The following KMT2E variants were observed in gnomAD, a reference collection of about 807,000 sequenced individuals.
KMT2E encodes histone reader KMT2E.
In KMT2E, 30 loss-of-function variants were observed where a neutral mutation model predicts 184.6. That is an observed-to-expected ratio of 0.16 (90% CI 0.12 to 0.22). KMT2E has a LOEUF of 0.22. Ranked by LOEUF, KMT2E falls within the 10% of genes least tolerant of loss-of-function variation. The probability of loss-of-function intolerance (pLI) is 1.00; values close to 1 mark genes in which losing one functional copy is unlikely to be tolerated. For synonymous variants in KMT2E, 815 were observed against 776.5 expected (o/e 1.05, Z -0.82); for missense variants, 2,023 against 2,237.4 (o/e 0.90, Z 1.93).
At chr7:105,110,662 G>T (rs964720992) in intron 25 of KMT2E, 60 bp downstream of exon 25, 69 of 1,607,798 alleles carry the variant, frequency 4.3e-5, no homozygotes, top group Non-Finnish European at 5.4e-5. Context: ...AGACAAGAGA[G>T]CCTTTATAAA....
intron 5 of KMT2E, chr7:105,064,165 T>G (rs868551851): frequency 1.4e-4 from 5 of 34,998 alleles, no homozygotes; most frequent in African/African-American, 8.6e-4. Flanking sequence ...TTTTTCTTGG[T>G]TTTTTTTTTT....
intron 14 of KMT2E, 57 bp from the exon 15 acceptor site, chr7:105,091,159 C>G: frequency 1.3e-6 from 1 of 757,008 alleles, no homozygotes; most frequent in East Asian, 2.5e-5. Flanking sequence ...AGTTTAATGT[C>G]ACTAGTTGTA....
intron 3 of KMT2E, among the ~76,000 whole-genome samples, chr7:105,057,725 C>T (rs80094784): frequency 0.01 from 1,591 of 152,148 alleles, 19 homozygotes; most frequent in African/African-American, 0.036. Context: ...GTGCTGTGAT[C>T]GTAAGCGTGA....
chr7:105,112,497 G>T lies in KMT2E; in HGVS notation c.4741G>T (p.Val1581Leu), dbSNP rs1336930752. 2 of 1,613,884 alleles carry T rather than the reference G, an allele frequency of 1.2e-6. No individual in the cohort carries two copies. Among genetic ancestry groups the T allele is most frequent in the Non-Finnish European group, 1.7e-6 (2 of 1,180,024 alleles). ...CAAAGGTAGTCTTTCTCAACAAACT[G>T]TGTTTACATCAGGACCAAATCAAGC... ...QLKGSLSQQT[V>L]FTSGPNQALP... Residue 1581 changes from valine (V) to leucine (L), a missense_variant, in exon 27 of 27, where the codon GTG (valine) becomes TTG (leucine). Physicochemically the swap from Val to Leu is conservative, Grantham distance 32 (BLOSUM62 1). Transcript: ENST00000311117.
chr7:105,029,544 A>T (rs1795316515), intron 1 of KMT2E, among the ~76,000 whole-genome samples: 1 of 152,214 alleles, frequency 6.6e-6, no homozygotes, highest in Non-Finnish European at 1.5e-5. Context: ...TTGTTGGATT[A>T]TTCAGGTGAT....
At chr7:105,015,300 C>CA (rs1005550385) in intron 1 of KMT2E, among the ~76,000 whole-genome samples, 3 of 152,172 alleles carry the variant, frequency 2.0e-5, no homozygotes, top group Admixed American at 1.3e-4. Flanking sequence ...ACAAACGGTT[C>CA]ACTGTGCTAA....
chr7:105,045,278 A>G (rs1176606142), intron 3 of KMT2E, among the ~76,000 whole-genome samples: 1 of 152,206 alleles, frequency 6.6e-6, no homozygotes, highest in Non-Finnish European at 1.5e-5. Flanking sequence ...GGCTTTAGTG[A>G]AAATATATAT....
intron 5 of KMT2E, among the ~76,000 whole-genome samples, chr7:105,065,521 A>C (rs534571224): frequency 1.3e-5 from 2 of 152,282 alleles, no homozygotes; most frequent in East Asian, 3.9e-4. Context: ...CGCCCAGTAG[A>C]TGCCTGAAAC....
rs1327640804 is a variant in KMT2E at position 105,113,929 on chromosome 7, G to A, written c.*596G>A. The A allele has an allele frequency of 6.5e-6, 1 of 153,804 alleles. No homozygotes were observed. The highest frequency in any genetic ancestry group is 1.5e-5 in the Non-Finnish European group (1 of 68,266). The allele number at this position is 153,804 out of a possible 1,614,324, so 9.5% of individuals were successfully genotyped here. On this transcript the variant is annotated 3_prime_UTR_variant, in exon 27 of 27. Transcript: ENST00000311117. ...CTTTTCTCATTTGATATATAGCATTGTACATATGACAAGTCTTTTGCAAAA... is the reference window on the plus strand; with the variant it reads ...CTTTTCTCATTTGATATATAGCATTATACATATGACAAGTCTTTTGCAAAA...
intron 13 of KMT2E, among the ~76,000 whole-genome samples, chr7:105,088,110 A>AT (rs1798058819): frequency 6.6e-6 from 1 of 151,878 alleles, no homozygotes; most frequent in Admixed American, 6.6e-5. Context: ...GCTTTGTGGG[A>AT]TTACATATCC....
chr7:105,073,647 C>T lies in KMT2E; in HGVS notation c.526C>T (p.Leu176=). ...TTTGGATAAAGAGAGGGCAGTGCTA[C>T]TACAACGCCGGAAAAGGGAAAATAT... ...RNLDKERAVL[L]QRRKRENMSD... Residue 176 remains leucine (L), a synonymous_variant, in exon 7 of 27, where the codon CTA becomes TTA. Coordinates refer to ENST00000311117, the MANE Select transcript of KMT2E (RefSeq NM_182931.3). 1 of 1,606,316 alleles carries T rather than the reference C, an allele frequency of 6.2e-7. No individual in the cohort carries two copies. The highest frequency in any genetic ancestry group is 8.5e-7 in the Non-Finnish European group (1 of 1,173,670).
At chr7:105,082,512 A>G (rs1053502061) in intron 13 of KMT2E, among the ~76,000 whole-genome samples, 13 of 152,174 alleles carry the variant, frequency 8.5e-5, no homozygotes, top group Non-Finnish European at 1.8e-4. Context: ...GGAAGATACA[A>G]TATATTTACT....
chr7:105,054,091 G>C (rs993404586), intron 3 of KMT2E, among the ~76,000 whole-genome samples: 1 of 151,820 alleles, frequency 6.6e-6, no homozygotes, highest in Admixed American at 6.6e-5. Context: ...AGAATCACTT[G>C]AACCCGGGAG....
At chr7:105,086,564 A>G (rs1180947663) in intron 13 of KMT2E, among the ~76,000 whole-genome samples, 3 of 151,726 alleles carry the variant, frequency 2.0e-5, no homozygotes, top group Non-Finnish European at 4.4e-5. Flanking sequence ...ATCTCTACTA[A>G]AAATACAAAA....
rs138858897 is a variant in KMT2E, at chr7:105,040,977, G to A, written c.25G>A (p.Val9Ile). The A allele has an allele frequency of 1.2e-5, 19 of 1,602,504 alleles. No homozygotes were observed. The highest frequency in any genetic ancestry group is 1.5e-5 in the Non-Finnish European group (18 of 1,175,844). The change falls in exon 3 of 27, where the codon GTT (valine) becomes ATT (isoleucine). Residue 9 changes from valine to isoleucine, a missense_variant. Val to Ile is a conservative substitution (Grantham distance 29, BLOSUM62 3). Around this residue, in one of 8 missense-constraint regions of KMT2E, gnomAD observed 63 missense variants for 68.9 expected, o/e 0.91. Transcript: ENST00000311117. MSIVIPLGVDTAETSYLEM... is the reference protein window; with the variant it reads MSIVIPLGIDTAETSYLEM... Reference sequence around the variant, plus strand: ...CATGAGCATAGTGATCCCATTGGGGGTTGATACAGCAGAGACGTCATACTT... The same window carrying A: ...CATGAGCATAGTGATCCCATTGGGGATTGATACAGCAGAGACGTCATACTT...
At chr7:105,021,564 A>G (rs1047543467) in intron 1 of KMT2E, among the ~76,000 whole-genome samples, 1 of 152,230 alleles carries the variant, frequency 6.6e-6, no homozygotes, top group African/African-American at 2.4e-5. Flanking sequence ...AAGAAAGTAC[A>G]GATGGGCCTC....
Position 105,063,454 on chromosome 7 carries a change from T to C in KMT2E, c.290T>C (p.Phe97Ser). ...GTAGGCATATTTACCACTCCTAATT[T>C]TGATGAAACTTCCAGTGCTACTACA... ...NEVGIFTTPN[F>S]DETSSATTIS... Residue 97 changes from phenylalanine to serine, a missense_variant, in exon 5 of 27, where the codon TTT becomes TCT. By Grantham distance (155) the Phe-to-Ser change is radical. Transcript: ENST00000311117. 6.2e-7 allele frequency: 1 copy of C among 1,613,834 alleles called. No individual in the cohort carries two copies. The highest frequency in any genetic ancestry group is 8.5e-7 in the Non-Finnish European group (1 of 1,179,780).
At chr7:105,041,050 CA>C (rs58676744) in intron 3 of KMT2E, 27 bp downstream of exon 3, 72,496 of 657,952 alleles carry the variant, frequency 0.11, no homozygotes, top group South Asian at 0.12. Context: ...GTTACATAAG[CA>C]AAAAAAAAAA....
At chr7:105,022,948 TAGAC>T (rs200296740) in intron 1 of KMT2E, among the ~76,000 whole-genome samples, 1,542 of 152,274 alleles carry the variant, frequency 0.01, 19 homozygotes, top group Non-Finnish European at 0.013. Flanking sequence ...ATAGATAAGA[TAGAC>T]AGTAGTATAT....
Sources: gnomAD v4.1 joint callset for allele counts (sites outside exome capture counted in the v4.1 genomes callset) on GRCh38, gnomAD v4.1.1 for gene constraint, gnomAD v4.1.1 regional missense constraint, MANE v1.5 for transcripts, NCBI Gene and HGNC (gene_info 2026-07-23, HGNC 2026-07-21) for gene names.